OSBPL9: variants seen among roughly 807,000 people sequenced by gnomAD.
OSBPL9 encodes oxysterol binding protein like 9.
Under a neutral mutation model 106.6 loss-of-function variants are expected in OSBPL9, and 40 were observed. The observed-to-expected ratio is 0.38, with a 90% CI of 0.29 to 0.49. OSBPL9 has a LOEUF of 0.49. Ranked by LOEUF, OSBPL9 falls within the 20% of genes least tolerant of loss-of-function variation. The probability of loss-of-function intolerance (pLI) is 0.97; values close to 1 mark genes in which losing one functional copy is unlikely to be tolerated. For synonymous variants in OSBPL9, 269 were observed against 295.4 expected (o/e 0.91, Z 0.92); for missense variants, 609 against 887.2 (o/e 0.69, Z 3.98).
rs147276138 is a variant in OSBPL9, at chr1:51,699,482, G to A, written c.242-14521G>A. Among the ~76,000 whole-genome samples, 23 of 151,932 alleles carry A rather than the reference G, an allele frequency of 1.5e-4. No individual in the cohort carries two copies. In the East Asian group the frequency reaches 3.9e-3, roughly 26 times the overall value. On this transcript the variant is annotated intron_variant, in intron 3 of 23. Coordinates refer to ENST00000428468, the MANE Select transcript of OSBPL9 (RefSeq NM_024586.6). Reference sequence around the variant, plus strand: ...TGCCTCAGAAGCTTTCCCTGAGTTCGCCTTTACAAACACAAATGTCTTTAT... The same window carrying A: ...TGCCTCAGAAGCTTTCCCTGAGTTCACCTTTACAAACACAAATGTCTTTAT...
At chr1:51,680,177 C>T (rs898614380) in intron 3 of OSBPL9, among the ~76,000 whole-genome samples, 1 of 152,002 alleles carries the variant, frequency 6.6e-6, no homozygotes, top group Non-Finnish European at 1.5e-5. Flanking sequence ...ACCACTTGAA[C>T]CCGGGAGGCA....
At chr1:51,610,829 C>T (rs931494319) in intron 2 of OSBPL9, among the ~76,000 whole-genome samples, 2 of 152,192 alleles carry the variant, frequency 1.3e-5, no homozygotes, top group Admixed American at 6.5e-5. Flanking sequence ...ATGTTGTCTA[C>T]GTGAGGCACT....
intron 1 of OSBPL9, among the ~76,000 whole-genome samples, chr1:51,646,031 T>G (rs945419771): frequency 6.6e-6 from 1 of 152,226 alleles, no homozygotes; most frequent in Non-Finnish European, 1.5e-5. Flanking sequence ...TGTGTTGCAT[T>G]TTGGAATTGA....
upstream of OSBPL9, among the ~76,000 whole-genome samples, chr1:51,575,449 G>A (rs1645177779): frequency 6.6e-6 from 1 of 151,140 alleles, no homozygotes; most frequent in Non-Finnish European, 1.5e-5. Context: ...GACCTCAAGT[G>A]ATCCGCCTGC....
chr1:51,618,240 A>G (rs1228150898), intron 1 of OSBPL9, among the ~76,000 whole-genome samples: 2 of 151,906 alleles, frequency 1.3e-5, no homozygotes, highest in Non-Finnish European at 2.9e-5. Context: ...GCTGGTCTTG[A>G]ACTCCTGACC....
intron 17 of OSBPL9, among the ~76,000 whole-genome samples, 157 bp downstream of exon 17, chr1:51,782,800 A>G (rs1164528800): frequency 6.6e-6 from 1 of 152,206 alleles, no homozygotes. Flanking sequence ...TGTTCCTCAT[A>G]TCTTTTCCTT....
chr1:51,674,989 T>A (rs1650828484), intron 3 of OSBPL9, among the ~76,000 whole-genome samples: 1 of 152,252 alleles, frequency 6.6e-6, no homozygotes, highest in Non-Finnish European at 1.5e-5. Flanking sequence ...CATCCTGTGC[T>A]ACATGCAGCC....
chr1:51,591,630 A>C (rs1232611455), intron 1 of OSBPL9, among the ~76,000 whole-genome samples: 10 of 152,150 alleles, frequency 6.6e-5, no homozygotes, highest in Non-Finnish European at 1.3e-4. Context: ...AACATGGTGA[A>C]ACCCCATCTC....
intron 11 of OSBPL9, 107 bp from the exon 12 acceptor site, chr1:51,765,715 A>C: frequency 9.1e-7 from 1 of 1,097,052 alleles, no homozygotes; most frequent in Non-Finnish European, 1.3e-6. Context: ...ACTTTTACAA[A>C]CTTAACCAAA....
the OSBPL9 span, among the ~76,000 whole-genome samples, chr1:51,545,570 G>C: frequency 6.6e-6 from 1 of 152,128 alleles, no homozygotes; most frequent in South Asian, 2.1e-4. Context: ...CTTAAGGCCA[G>C]GAGTTCAAGA....
chr1:51,568,574 T>C, the OSBPL9 span, among the ~76,000 whole-genome samples: 6 of 152,016 alleles, frequency 3.9e-5, no homozygotes, highest in African/African-American at 1.4e-4. Flanking sequence ...TGAGACGGAG[T>C]CTCAGAGTCT....
chr1:51,788,895 A>G lies in OSBPL9; in HGVS notation c.*1106A>G, dbSNP rs1678367112. ...TTAAAAATACATTAAAAAAACAGGT[A>G]TTAGTACCTAGCATTTAGTTAGTTA... On this transcript the variant is annotated 3_prime_UTR_variant, in exon 24 of 24. Transcript: ENST00000428468. Among the ~76,000 whole-genome samples the G allele has an allele frequency of 6.9e-6, 1 of 144,872 alleles. No homozygotes were observed. The highest frequency in any genetic ancestry group is 2.8e-5 in the African/African-American group (1 of 36,076).
intron 1 of OSBPL9, among the ~76,000 whole-genome samples, chr1:51,625,075 G>A (rs1361945286): frequency 6.6e-6 from 1 of 152,202 alleles, no homozygotes; most frequent in Non-Finnish European, 1.5e-5. Context: ...CACAGTTTAT[G>A]TAAAACCTGA....
chr1:51,659,769 T>C (rs1372600208), intron 2 of OSBPL9, among the ~76,000 whole-genome samples: 1 of 152,058 alleles, frequency 6.6e-6, no homozygotes, highest in Admixed American at 6.5e-5. Flanking sequence ...TGAAAGCTTA[T>C]ATGAAAATGG....
chr1:51,765,118 G>A (rs555798629), intron 11 of OSBPL9, among the ~76,000 whole-genome samples: 23 of 152,286 alleles, frequency 1.5e-4, no homozygotes, highest in Non-Finnish European at 3.4e-4. Flanking sequence ...GGTACCAGAT[G>A]ATCATCTCAG....
intron 4 of OSBPL9, among the ~76,000 whole-genome samples, chr1:51,716,786 G>A (rs187053881): frequency 2.0e-5 from 3 of 152,144 alleles, no homozygotes; most frequent in Non-Finnish European, 2.9e-5. Context: ...AGGGGTATAG[G>A]AGAGGAGACG....
In OSBPL9 at chr1:51,787,851, A is replaced by G; in HGVS notation, c.*62A>G. ...CAGTAGGCATAATTCAGCAACAAAC[A>G]ATCTTCCTTTGGGAGAAACCTGTTC... On this transcript the variant is annotated 3_prime_UTR_variant, in exon 24 of 24. Coordinates refer to ENST00000428468, the MANE Select transcript of OSBPL9 (RefSeq NM_024586.6). 2 of 1,427,866 alleles carry G rather than the reference A, an allele frequency of 1.4e-6. No homozygotes were observed. The highest frequency in any genetic ancestry group is 9.9e-7 in the Non-Finnish European group (1 of 1,013,296). The allele number at this position is 1,427,866 out of a possible 1,614,324, so 88.4% of individuals were successfully genotyped here.
intron 18 of OSBPL9, 92 bp downstream of exon 18, chr1:51,784,117 G>A: frequency 7.2e-7 from 1 of 1,389,816 alleles, no homozygotes; most frequent in Non-Finnish European, 1.0e-6. Context: ...ACTAAGCATT[G>A]GTATTGGGGG....
intron 4 of OSBPL9, among the ~76,000 whole-genome samples, chr1:51,736,570 A>G (rs1194148079): frequency 1.3e-5 from 2 of 152,214 alleles, no homozygotes; most frequent in Non-Finnish European, 2.9e-5. Context: ...TTCAAGAAGT[A>G]TTAGGCTATA....
Sources: allele counts gnomAD v4.1 joint callset (sites outside exome capture counted in the v4.1 genomes callset), GRCh38; gene constraint gnomAD v4.1.1; transcripts MANE v1.5; gene names NCBI Gene and HGNC (gene_info 2026-07-23, HGNC 2026-07-21).